Variants in INTS4 observed in about 807,000 individuals in gnomAD.
INTS4 encodes the protein MSTP093.
Under a neutral mutation model 119.5 loss-of-function variants are expected in INTS4, and 70 were observed. The ratio of observed to expected loss-of-function variants is 0.59; its 90% CI spans 0.48 to 0.71. INTS4 has a LOEUF of 0.71. INTS4 is among the 30% of genes least tolerant of loss of function. The probability of loss-of-function intolerance (pLI) is 0.00; values close to 1 mark genes in which losing one functional copy is unlikely to be tolerated. For missense variants in INTS4, 867 were observed against 1,173.2 expected, an observed-to-expected ratio of 0.74 and a Z score of 3.81; for synonymous variants, 316 against 419.6, an observed-to-expected ratio of 0.75 and a Z score of 3.02.
At chr11:77,992,571 T>C (rs760393443) in intron 1 of INTS4, among the ~76,000 whole-genome samples, 10 of 152,138 alleles carry the variant, frequency 6.6e-5, no homozygotes. Context: ...TAAATTTCCT[T>C]ACCACCTAAT....
chr11:77,987,681 CACAG>C (rs1856510198), intron 2 of INTS4: 1 of 447,840 alleles, frequency 2.2e-6, no homozygotes, highest in Non-Finnish European at 4.5e-6. Flanking sequence ...GCCTGGGCAA[CACAG>C]AGAGACTCCA....
Position 77,979,068 on chromosome 11 carries a change from A to G in INTS4, c.399T>C (p.Thr133=). The change falls in exon 4 of 23, where the codon ACT becomes ACC. Residue 133 remains threonine, a synonymous_variant. Coordinates refer to ENST00000534064, the MANE Select transcript of INTS4 (RefSeq NM_033547.4). ...GTAGCTTAGTGCCAATTGCAAGCAA[A>G]GTATCCAGCAGTTGAGCTAGGACTT... The part of the protein sequence containing the change: ...SHQVLAQLLD[T]LLAIGTKLPE... 6.2e-7 allele frequency: 1 copy of G among 1,612,756 alleles called. No individual in the cohort carries two copies. Among genetic ancestry groups the G allele is most frequent in the Non-Finnish European group, 8.5e-7 (1 of 1,178,950 alleles).
intron 8 of INTS4, among the ~76,000 whole-genome samples, chr11:77,941,745 A>C (rs1953933924): frequency 6.6e-6 from 1 of 152,096 alleles, no homozygotes; most frequent in Non-Finnish European, 1.5e-5. Context: ...ACCTCAGGTG[A>C]TCTGCCTACC....
Position 77,894,152 on chromosome 11 carries a change from A to G in INTS4, c.2288+138T>C, listed in dbSNP as rs935168616. 4.7e-5 allele frequency: 25 copies of G among 529,128 alleles called. No individual in the cohort carries two copies. The African/African-American group carries it at 4.9e-4, about 10-fold the overall frequency. 32.8% of individuals were successfully genotyped at this position (529,128 alleles called of 1,614,324 possible). A position where few individuals can be genotyped will look rare whatever the true frequency, so the allele number is the denominator to read the frequency against. The stretch of plus-strand genomic sequence containing the variant: ...GTTCTTTTTTTCCTAATTTAAGGTT[A>G]ACGACATGGCCACAGATGATAGCTT... On this transcript the variant is annotated intron_variant, in intron 19 of 22. Coordinates refer to ENST00000534064, the MANE Select transcript of INTS4 (RefSeq NM_033547.4).
intron 4 of INTS4, among the ~76,000 whole-genome samples, chr11:77,967,745 T>A (rs1040407825): frequency 6.6e-6 from 1 of 151,840 alleles, no homozygotes; most frequent in Admixed American, 6.6e-5. Context: ...TAAAACCAGA[T>A]TGCAAGACAT....
rs1437405228 is a variant in INTS4, at chr11:77,925,008, T to C, written c.1372-116A>G. ...CATCTAGGGTGGCCATGTAACAAAG[T>C]ATGTGGAAGTTTTTTAGCTGAAATT... On this transcript the variant is annotated intron_variant, in intron 11 of 22. Coordinates refer to ENST00000534064, the MANE Select transcript of INTS4 (RefSeq NM_033547.4). The C allele has an allele frequency of 1.2e-5, 8 of 665,764 alleles. No homozygotes were observed. The East Asian group carries it at 2.3e-4, about 19-fold the overall frequency. The allele number at this position is 665,764 out of a possible 1,614,324, so 41.2% of individuals were successfully genotyped here.
Position 77,879,000 on chromosome 11 carries a change from G to A in INTS4, c.2841C>T (p.Pro947=). 6.2e-7 allele frequency: 1 copy of A among 1,614,118 alleles called. No homozygotes were observed. The highest frequency in any genetic ancestry group is 8.5e-7 in the Non-Finnish European group (1 of 1,180,032). The part of the protein sequence containing the change: ...QVETSIEGTI[P]FSKPVKVYIM... ...TATAAACTTTTACAGGCTTGCTGAA[G>A]GGAATGGTGCCCTCGATGCTGGTTT... Residue 947 remains proline (P), a synonymous_variant, in exon 23 of 23, where the codon CCC becomes CCT. Coordinates refer to ENST00000534064, the MANE Select transcript of INTS4 (RefSeq NM_033547.4).
At chr11:77,877,032 T>C (rs1951615699), downstream of INTS4, 1 of 702,958 alleles carries the variant, frequency 1.4e-6, no homozygotes, top group African/African-American at 1.7e-5. Context: ...TGGCACATCC[T>C]TGAGAGATGC....
Position 77,931,888 on chromosome 11 carries a change from T to C in INTS4, c.1166-3341A>G, listed in dbSNP as rs1307206692. On this transcript the variant is annotated intron_variant, in intron 10 of 22. Transcript: ENST00000534064. The stretch of plus-strand genomic sequence containing the variant: ...GTGTTAGGAAAACTGGCTAGCCATA[T>C]GCAGAAAACTGAAACTGGATCCCTT... Among the ~76,000 whole-genome samples the C allele has an allele frequency of 6.6e-5, 10 of 152,224 alleles. No homozygotes were observed. The East Asian group carries it at 1.9e-3, about 29-fold the overall frequency.
chr11:77,897,719 A>G (rs754817437), intron 18 of INTS4, among the ~76,000 whole-genome samples: 2 of 151,086 alleles, frequency 1.3e-5, no homozygotes, highest in Non-Finnish European at 2.9e-5. Flanking sequence ...GTTAGCCAGG[A>G]TGGTCTCAAT....
intron 18 of INTS4, among the ~76,000 whole-genome samples, chr11:77,896,356 T>C (rs1225675199): frequency 6.6e-6 from 1 of 152,030 alleles, no homozygotes; most frequent in Non-Finnish European, 1.5e-5. Context: ...AAAAAGCATA[T>C]TAAAGAATTT....
chr11:77,879,943 C>T (rs1459116104), intron 22 of INTS4, among the ~76,000 whole-genome samples: 1 of 152,144 alleles, frequency 6.6e-6, no homozygotes, highest in African/African-American at 2.4e-5. Flanking sequence ...TGGCAAAAAT[C>T]CCAAGAATCA....
intron 15 of INTS4, chr11:77,917,965 A>G (rs1185738694): frequency 1.5e-6 from 1 of 671,538 alleles, no homozygotes. Context: ...AATGGAATGC[A>G]AGTAAAATTA....
chr11:77,954,991 T>A (rs1389677965), intron 8 of INTS4, among the ~76,000 whole-genome samples: 1 of 152,274 alleles, frequency 6.6e-6, no homozygotes, highest in Non-Finnish European at 1.5e-5. Context: ...TAAGATTCTT[T>A]CTAGTTCTAA....
downstream of INTS4, chr11:77,878,575 A>C: frequency 1.9e-6 from 1 of 530,946 alleles, no homozygotes. Context: ...CACTTTAAGA[A>C]ATAAGACTAT....
intron 16 of INTS4, among the ~76,000 whole-genome samples, 157 bp downstream of exon 16, chr11:77,907,560 G>A (rs1269654383): frequency 1.3e-5 from 2 of 152,128 alleles, no homozygotes; most frequent in Non-Finnish European, 2.9e-5. Context: ...TCGTTAATTA[G>A]AGACAAATGT....
rs1417357857 is a variant in INTS4 at position 77,930,211 on chromosome 11, A to G, written c.1166-1664T>C. On this transcript the variant is annotated intron_variant, in intron 10 of 22. Transcript: ENST00000534064. ...ATGGACTATTCCAAAACAAAATAAA[A>G]CAAAAAGTACCTAAAGTTGTGGTTA... Among the ~76,000 whole-genome samples the G allele has an allele frequency of 8.5e-5, 13 of 152,314 alleles. No homozygotes were observed. The South Asian group carries it at 2.5e-3, about 29-fold the overall frequency.
chr11:77,976,176 G>T (rs566101007), intron 4 of INTS4, among the ~76,000 whole-genome samples: 1 of 152,192 alleles, frequency 6.6e-6, no homozygotes, highest in Non-Finnish European at 1.5e-5. Flanking sequence ...GTTTATCTTT[G>T]ATTTTTAAAC....
intron 4 of INTS4, among the ~76,000 whole-genome samples, chr11:77,977,338 AC>A (rs1397867678): frequency 2.6e-5 from 4 of 152,062 alleles, no homozygotes; most frequent in Non-Finnish European, 5.9e-5. Flanking sequence ...CACAGCTATT[AC>A]AAATTATATT....
Sources: allele counts gnomAD v4.1 joint callset (sites outside exome capture counted in the v4.1 genomes callset), GRCh38; gene constraint gnomAD v4.1.1; transcripts MANE v1.5; gene names NCBI Gene and HGNC (gene_info 2026-07-23, HGNC 2026-07-21).